Variants in FOXK2 observed in about 807,000 individuals in gnomAD.
The protein encoded by FOXK2 is forkhead box protein K2.
Under a neutral mutation model 53.3 loss-of-function variants are expected in FOXK2, and 24 were observed. The observed-to-expected ratio is 0.45, with a 90% confidence interval of 0.33 to 0.63. The LOEUF (loss-of-function observed/expected upper bound fraction) is 0.63, where lower values mean the gene tolerates loss of function less well. Among genes scored for constraint, FOXK2 ranks in the 30% least tolerant of loss-of-function variants. The probability of loss-of-function intolerance (pLI) is 0.03; values close to 1 mark genes in which losing one functional copy is unlikely to be tolerated. For missense variants in FOXK2, 952 were observed against 910.5 expected (o/e 1.05, Z -0.59); for synonymous variants, 505 against 407.1 (o/e 1.24, Z -2.89).
At chr17:82,595,451 A>C (rs2045300179) in intron 8 of FOXK2, among the ~76,000 whole-genome samples, 1 of 152,130 alleles carries the variant, frequency 6.6e-6, no homozygotes, top group African/African-American at 2.4e-5. Context: ...ACAGGCACGT[A>C]CAAACATGTC....
chr17:82,529,364 A>T, intron 1 of FOXK2, among the ~76,000 whole-genome samples: 1 of 148,994 alleles, frequency 6.7e-6, no homozygotes. Flanking sequence ...CTGGAATTAC[A>T]GGCACGTGCC....
At chr17:82,553,076 C>T (rs1330363320) in intron 1 of FOXK2, among the ~76,000 whole-genome samples, 13 of 152,172 alleles carry the variant, frequency 8.5e-5, no homozygotes, top group Non-Finnish European at 1.2e-4. Context: ...GCTGGGATTA[C>T]AGTCACGCGC....
At chr17:82,548,278 C>G (rs1056914978) in intron 1 of FOXK2, among the ~76,000 whole-genome samples, 4 of 152,124 alleles carry the variant, frequency 2.6e-5, no homozygotes, top group African/African-American at 9.7e-5. Flanking sequence ...TGCTCCATAT[C>G]CTTGTCAGCA....
At chr17:82,578,381 A>G (rs1439785445) in intron 4 of FOXK2, 6 of 152,326 alleles carry the variant, frequency 3.9e-5, no homozygotes, top group African/African-American at 1.4e-4. Context: ...ATTGCTCAGA[A>G]TTGCAAATCC....
chr17:82,532,611 A>G (rs1026837278), intron 1 of FOXK2, among the ~76,000 whole-genome samples: 3 of 152,160 alleles, frequency 2.0e-5, no homozygotes, highest in African/African-American at 4.8e-5. Context: ...TTCTGAGACT[A>G]CGTCTCACTG....
chr17:82,595,935 G>T, intron 8 of FOXK2: 1 of 1,259,018 alleles, frequency 7.9e-7, no homozygotes, highest in Non-Finnish European at 1.0e-6. Context: ...AGAAACGACA[G>T]GTGGAAGGTT....
intron 1 of FOXK2, among the ~76,000 whole-genome samples, chr17:82,540,862 A>G (rs540167173): frequency 2.4e-4 from 37 of 152,148 alleles, no homozygotes; most frequent in Non-Finnish European, 4.0e-4. Flanking sequence ...CCAGCGCATC[A>G]CACCTGGGCT....
intron 1 of FOXK2, among the ~76,000 whole-genome samples, chr17:82,562,927 T>C (rs1477074114): frequency 6.6e-6 from 1 of 151,830 alleles, no homozygotes; most frequent in African/African-American, 2.4e-5. Context: ...TGCCTCAGCC[T>C]CCTGAGTATC....
rs1017727614 is a variant in FOXK2 at position 82,533,093 on chromosome 17, A to G, written c.419+12786A>G. ...GTGCATGGAGCTGTCACCTCCGGTG[A>G]TAACGGCTTCTTCTGGATACTTCCT... On this transcript the variant is annotated intron_variant, in intron 1 of 8. Coordinates refer to ENST00000335255, the MANE Select transcript of FOXK2 (RefSeq NM_004514.4). Among the ~76,000 whole-genome samples, 9 of 152,230 alleles carry G rather than the reference A, an allele frequency of 5.9e-5. No homozygotes were observed. In the East Asian group the frequency reaches 1.7e-3, roughly 29 times the overall value.
intron 1 of FOXK2, among the ~76,000 whole-genome samples, chr17:82,560,756 T>C (rs2044784912): frequency 6.6e-6 from 1 of 152,130 alleles, no homozygotes. Flanking sequence ...TCAGCACTTT[T>C]GGAGACTGAG....
At chr17:82,535,442 A>G (rs1336620241) in intron 1 of FOXK2, among the ~76,000 whole-genome samples, 1 of 152,100 alleles carries the variant, frequency 6.6e-6, no homozygotes, top group African/African-American at 2.4e-5. Flanking sequence ...TCAAACTTCC[A>G]TGGTTGGTTG....
chr17:82,571,735 G>T lies in FOXK2; in HGVS notation c.774G>T (p.Lys258Asn). The T allele has an allele frequency of 6.5e-7, 1 of 1,542,142 alleles. No individual in the cohort carries two copies. The change falls in exon 4 of 9, where the codon AAG (lysine) becomes AAT (asparagine). Residue 258 changes from lysine (K) to asparagine (N), a missense_variant. By Grantham distance (94) the Lys-to-Asn change is moderately conservative. This residue lies in a region of FOXK2 where 160 missense variants were observed against 214.2 expected (regional missense o/e 0.75). Transcript: ENST00000335255. ...SGGDSPKDDS[K>N]PPYSYAQLIV... ...TTTTTTAAATACAGGATGATTCAAA[G>T]CCGCCTTACTCCTACGCGCAGCTGA...
chr17:82,573,200 A>G (rs2044938386), intron 4 of FOXK2, among the ~76,000 whole-genome samples: 1 of 150,628 alleles, frequency 6.6e-6, no homozygotes, highest in South Asian at 2.1e-4. Flanking sequence ...CTCAAAAAGG[A>G]AAAAAAAAGC....
intron 4 of FOXK2, among the ~76,000 whole-genome samples, chr17:82,576,214 T>C (rs1598221930): frequency 2.2e-5 from 1 of 46,264 alleles, no homozygotes; most frequent in Middle Eastern, 0.011. Flanking sequence ...CCAGCGTGTG[T>C]GCTCGGGTGG....
chr17:82,553,050 C>T (rs2044692018), intron 1 of FOXK2, among the ~76,000 whole-genome samples: 1 of 152,222 alleles, frequency 6.6e-6, no homozygotes, highest in Non-Finnish European at 1.5e-5. Context: ...ATTCTCCTGC[C>T]TCAGCCTCCG....
chr17:82,601,254 G>T, intron 8 of FOXK2, 49 bp from the exon 9 acceptor site: 1 of 1,571,466 alleles, frequency 6.4e-7, no homozygotes, highest in Non-Finnish European at 8.7e-7. Context: ...TCTGAGTCGC[G>T]AGGGTTCACG....
rs1032615685 is a variant in FOXK2, at chr17:82,602,486, G to T, written c.*987G>T. 2 of 152,214 alleles carry T rather than the reference G, an allele frequency of 1.3e-5. No individual in the cohort carries two copies. Among genetic ancestry groups the T allele is most frequent in the African/African-American group, 2.4e-5 (1 of 41,446 alleles). 9.4% of individuals were successfully genotyped at this position (152,214 alleles called of 1,614,324 possible). A position where few individuals can be genotyped will look rare whatever the true frequency, so the allele number is the denominator to read the frequency against. On this transcript the variant is annotated 3_prime_UTR_variant, in exon 9 of 9. Transcript: ENST00000335255. Reference sequence around the variant, plus strand: ...GGCCCTTTTGAAACTCAGATCCCAGGTCTCTCCGTGGTATGTTTGTATTTG... The same window carrying T: ...GGCCCTTTTGAAACTCAGATCCCAGTTCTCTCCGTGGTATGTTTGTATTTG...
Position 82,537,619 on chromosome 17 carries a change from C to CAA in FOXK2, c.419+17334_419+17335dup, listed in dbSNP as rs963026198. Among the ~76,000 whole-genome samples the CAA allele has an allele frequency of 7.9e-3, 414 of 52,384 alleles. 2 individuals are homozygous for CAA. Among genetic ancestry groups the CAA allele is most frequent in the East Asian group, 0.015 (27 of 1,770 alleles). 34.4% of individuals were successfully genotyped at this position (52,384 alleles called of 152,430 possible). A position where few individuals can be genotyped will look rare whatever the true frequency, so the allele number is the denominator to read the frequency against. The stretch of plus-strand genomic sequence containing the variant: ...GGGCGACAAGAGTGAGACTCCATCT[C>CAA]AAAAAAAAAAAAAAAAAAAAAAAGG... On this transcript the variant is annotated intron_variant, in intron 1 of 8. Coordinates refer to ENST00000335255, the MANE Select transcript of FOXK2 (RefSeq NM_004514.4).
chr17:82,552,521 C>T lies in FOXK2; in HGVS notation c.420-10833C>T, dbSNP rs567093376. On this transcript the variant is annotated intron_variant, in intron 1 of 8. Transcript: ENST00000335255. ...ACCCTCCTGTCGCTTTAATCCTCTTCTATGTGTGGCCATCCTCAGCCTTTG... is the reference window on the plus strand; with the variant it reads ...ACCCTCCTGTCGCTTTAATCCTCTTTTATGTGTGGCCATCCTCAGCCTTTG... Among the ~76,000 whole-genome samples the T allele has an allele frequency of 2.3e-4, 34 of 146,744 alleles. 1 individual carries two copies. Among genetic ancestry groups the T allele is most frequent in the Non-Finnish European group, 2.8e-4 (18 of 64,502 alleles).
Sources: gnomAD v4.1 joint callset for allele counts (sites outside exome capture counted in the v4.1 genomes callset) on GRCh38, gnomAD v4.1.1 for gene constraint, gnomAD v4.1.1 regional missense constraint, MANE v1.5 for transcripts, NCBI Gene and HGNC (gene_info 2026-07-23, HGNC 2026-07-21) for gene names.